The following MGAT4A variants were observed in gnomAD, a reference collection of about 807,000 sequenced individuals.
The protein encoded by MGAT4A is alpha-1,3-mannosyl-glycoprotein 4-beta-N-acetylglucosaminyltransferase A, also known as N-acetylglucosaminyltransferase IVa.
A neutral mutation model predicts 74.1 loss-of-function variants in MGAT4A; 33 were observed. That is an observed-to-expected ratio of 0.45 (90% CI 0.34 to 0.60). The LOEUF is 0.60. Among genes scored for constraint, MGAT4A ranks in the 20% least tolerant of loss-of-function variants. MGAT4A has a pLI of 0.02. For synonymous variants in MGAT4A, 198 were observed against 210.4 expected (o/e 0.94, Z 0.51); for missense variants, 479 against 628.3 (o/e 0.76, Z 2.54).
intron 2 of MGAT4A, among the ~76,000 whole-genome samples, chr2:98,724,646 T>C (rs1320605120): frequency 1.3e-5 from 2 of 152,290 alleles, no homozygotes; most frequent in East Asian, 3.9e-4. Flanking sequence ...GACAGCTTAA[T>C]AATTATGCTT....
At chr2:98,673,900 C>T (rs1277086866) in intron 4 of MGAT4A, among the ~76,000 whole-genome samples, 1 of 152,024 alleles carries the variant, frequency 6.6e-6, no homozygotes, top group Non-Finnish European at 1.5e-5. Flanking sequence ...AAACAAAAAA[C>T]AAAGTACCAC....
At chr2:98,668,773 G>T (rs1701872931) in intron 4 of MGAT4A, among the ~76,000 whole-genome samples, 1 of 152,248 alleles carries the variant, frequency 6.6e-6, no homozygotes, top group Non-Finnish European at 1.5e-5. Context: ...GGGCAGAGCT[G>T]CCCAAGACCA....
intron 6 of MGAT4A, 136 bp downstream of exon 6, chr2:98,658,082 C>G (rs1290741963): frequency 5.0e-6 from 3 of 602,996 alleles, no homozygotes; most frequent in Non-Finnish European, 8.9e-6. Context: ...ATATCAAATA[C>G]CAATCAGAGG....
chr2:98,700,231 A>G (rs1398352478), intron 2 of MGAT4A, among the ~76,000 whole-genome samples: 1 of 151,922 alleles, frequency 6.6e-6, no homozygotes, highest in Non-Finnish European at 1.5e-5. Flanking sequence ...CTCGGGCTAT[A>G]GTCCTTAGCA....
rs1383283150 is a variant in MGAT4A, at chr2:98,623,671, A to G, written c.*1895T>C. Reference sequence around the variant, plus strand: ...ACTGACATAAAAATCATTTTTGGCAATGTGATTGACTTTTCAATCAAGAAA... The same window carrying G: ...ACTGACATAAAAATCATTTTTGGCAGTGTGATTGACTTTTCAATCAAGAAA... On this transcript the variant is annotated 3_prime_UTR_variant, in exon 16 of 16. Transcript: ENST00000393487. 1.0e-6 allele frequency: 1 copy of G among 985,290 alleles called. No individual in the cohort carries two copies. Among genetic ancestry groups the G allele is most frequent in the Admixed American group, 6.1e-5 (1 of 16,266 alleles). 61.0% of individuals were successfully genotyped at this position (985,290 alleles called of 1,614,324 possible).
intron 2 of MGAT4A, among the ~76,000 whole-genome samples, chr2:98,703,249 AT>A (rs1702376306): frequency 6.6e-6 from 1 of 152,246 alleles, no homozygotes; most frequent in South Asian, 2.1e-4. Flanking sequence ...AGCAACTAAA[AT>A]TAAAATTCAC....
At chr2:98,641,194 G>A (rs534802608) in intron 10 of MGAT4A, among the ~76,000 whole-genome samples, 1 of 144,632 alleles carries the variant, frequency 6.9e-6, no homozygotes, top group Non-Finnish European at 1.5e-5. Flanking sequence ...AAAGTTTGGG[G>A]CCAAAAAAAA....
chr2:98,636,391 A>G (rs1428507119), intron 13 of MGAT4A, 126 bp downstream of exon 13: 6 of 687,282 alleles, frequency 8.7e-6, no homozygotes, highest in South Asian at 3.9e-5. Flanking sequence ...AAAAAAATTA[A>G]TATTATTCAC....
intron 4 of MGAT4A, among the ~76,000 whole-genome samples, chr2:98,673,657 T>G (rs984190755): frequency 1.3e-5 from 2 of 152,162 alleles, no homozygotes; most frequent in African/African-American, 4.8e-5. Context: ...AATACATAGC[T>G]TCAAAAGAAA....
chr2:98,643,950 C>T lies in MGAT4A; in HGVS notation c.993G>A (p.Val331=), dbSNP rs1378111852. The part of the protein sequence containing the change: ...IDWLLDHILW[V]KVCNPEKDAK... ...CATCTTTTTCAGGGTTGCAGACTTTCACCCAGAGAATATGGTCCAGGAGCC... is the reference window on the plus strand; with the variant it reads ...CATCTTTTTCAGGGTTGCAGACTTTTACCCAGAGAATATGGTCCAGGAGCC... Residue 331 remains valine (V), a synonymous_variant, in exon 10 of 16, where the codon GTG becomes GTA. Transcript: ENST00000393487. 1.0e-5 allele frequency: 16 copies of T among 1,570,758 alleles called. No individual in the cohort carries two copies. The highest frequency in any genetic ancestry group is 1.4e-5 in the Non-Finnish European group (16 of 1,152,176).
intron 2 of MGAT4A, among the ~76,000 whole-genome samples, chr2:98,705,257 T>G (rs1702408691): frequency 6.6e-6 from 1 of 152,216 alleles, no homozygotes; most frequent in Admixed American, 6.5e-5. Context: ...ATTAATTCAT[T>G]GGATCGTGGA....
intron 5 of MGAT4A, among the ~76,000 whole-genome samples, chr2:98,660,392 CCA>C (rs57759198): frequency 0.47 from 64,844 of 138,466 alleles, 14,804 homozygotes; most frequent in East Asian, 0.57. Flanking sequence ...TCATATATAA[CCA>C]CACACACACA....
At chr2:98,683,496 G>A (rs988889093) in intron 2 of MGAT4A, among the ~76,000 whole-genome samples, 4 of 152,110 alleles carry the variant, frequency 2.6e-5, no homozygotes, top group African/African-American at 9.7e-5. Context: ...CACAATAGGT[G>A]AAATGTGTAG....
chr2:98,645,414 GAC>G lies in MGAT4A; in HGVS notation c.889+12_889+13del. 6.6e-7 allele frequency: 1 copy of G among 1,513,804 alleles called. No homozygotes were observed. The highest frequency in any genetic ancestry group is 8.9e-7 in the Non-Finnish European group (1 of 1,125,316). 93.8% of individuals were successfully genotyped at this position (1,513,804 alleles called of 1,614,324 possible). On this transcript the variant is annotated intron_variant, in intron 9 of 15. Coordinates refer to ENST00000393487, the MANE Select transcript of MGAT4A (RefSeq NM_012214.3). ...TTATTTATGAAAAGTAGGTAAGTGT[GAC>G]ACTTTTCTTACCAATGAAGCCCAGC...
At chr2:98,721,085 T>C (rs1436323075) in intron 2 of MGAT4A, among the ~76,000 whole-genome samples, 2 of 152,212 alleles carry the variant, frequency 1.3e-5, no homozygotes, top group Admixed American at 6.5e-5. Flanking sequence ...ATAAGATTAA[T>C]AGCTGACTTC....
At position 98,656,173 on chromosome 2, in the gene MGAT4A, T is replaced by A. The variant is rs372211497; in HGVS notation, c.698+179A>T. The A allele has an allele frequency of 7.6e-6, 4 of 528,214 alleles. No individual in the cohort carries two copies. The East Asian group carries it at 1.0e-4, about 13-fold the overall frequency. 32.7% of individuals were successfully genotyped at this position (528,214 alleles called of 1,614,324 possible). A position where few individuals can be genotyped will look rare whatever the true frequency, so the allele number is the denominator to read the frequency against. On this transcript the variant is annotated intron_variant, in intron 7 of 15. Coordinates refer to ENST00000393487, the MANE Select transcript of MGAT4A (RefSeq NM_012214.3). ...AGTAAAATAAAAGCTAATATTAAGT[T>A]TTTACATATTCTAAGAAAACTCTAC... is the stretch of plus-strand genomic sequence containing the variant.
At chr2:98,658,126 G>A in intron 6 of MGAT4A, 92 bp downstream of exon 6, 2 of 788,712 alleles carry the variant, frequency 2.5e-6, no homozygotes, top group South Asian at 3.2e-5. Context: ...ACAGAGAAAT[G>A]AACTATCAAG....
intron 8 of MGAT4A, among the ~76,000 whole-genome samples, chr2:98,654,101 A>G (rs1701622129): frequency 6.6e-6 from 1 of 152,218 alleles, no homozygotes; most frequent in East Asian, 1.9e-4. Flanking sequence ...ATTTGACAAC[A>G]TTCAAGACAC....
At position 98,678,435 on chromosome 2, in the gene MGAT4A, A is replaced by G; in HGVS notation, c.131T>C (p.Leu44Ser). ...TTCAGCTATTCGAAGACGTTCTTTC[A>G]AAGCAAGGAATTCTCGTTGATAAGC... Reference protein sequence around the residue: ...LIAYQREFLALKERLRIAEHR... With the variant: ...LIAYQREFLASKERLRIAEHR... Residue 44 changes from leucine to serine, a missense_variant, in exon 3 of 16, where the codon TTG (leucine) becomes TCG (serine). Around this residue, in one of 3 missense-constraint regions of MGAT4A, gnomAD observed 205 missense variants for 232.7 expected, o/e 0.88. Transcript: ENST00000393487. The G allele has an allele frequency of 6.3e-7, 1 of 1,586,354 alleles. No individual in the cohort carries two copies. Among genetic ancestry groups the G allele is most frequent in the Non-Finnish European group, 8.6e-7 (1 of 1,161,932 alleles).
Sources: gnomAD v4.1 joint callset for allele counts (sites outside exome capture counted in the v4.1 genomes callset) on GRCh38, gnomAD v4.1.1 for gene constraint, gnomAD v4.1.1 regional missense constraint, MANE v1.5 for transcripts, NCBI Gene and HGNC (gene_info 2026-07-23, HGNC 2026-07-21) for gene names.